The following NXPE2 variants were observed in gnomAD, a reference collection of about 807,000 sequenced individuals.
The protein encoded by NXPE2 is neurexophilin and PC-esterase domain family member 2, also known as NXPE family member 2.
NXPE2 carries 34 observed loss-of-function variants against 34.4 expected under a neutral mutation model. The ratio of observed to expected loss-of-function variants is 0.99; its 90% CI spans 0.75 to 1.31. The LOEUF is 1.31. NXPE2 is among the 40% of genes most tolerant of loss of function. NXPE2 has a pLI of 0.00. For synonymous variants in NXPE2, 235 were observed against 231.3 expected (o/e 1.02, Z -0.15); for missense variants, 649 against 672.5 (o/e 0.97, Z 0.39).
At chr11:114,776,237 A>G in the NXPE2 span, among the ~76,000 whole-genome samples, 1 of 152,170 alleles carries the variant, frequency 6.6e-6, no homozygotes, top group African/African-American at 2.4e-5. Flanking sequence ...GGCACAGGAG[A>G]GCCCACGAGG....
At chr11:114,610,385 G>A in the NXPE2 span, among the ~76,000 whole-genome samples, 2 of 151,664 alleles carry the variant, frequency 1.3e-5, no homozygotes, top group Admixed American at 6.6e-5. Context: ...ATATTGCCTC[G>A]TGGGTAACCA....
chr11:114,638,252 A>C, the NXPE2 span, among the ~76,000 whole-genome samples: 54 of 152,076 alleles, frequency 3.6e-4, no homozygotes, highest in African/African-American at 1.3e-3. Context: ...CCAGTTGATC[A>C]CATCAGCTCC....
At chr11:114,622,717 C>A in the NXPE2 span, among the ~76,000 whole-genome samples, 2 of 148,908 alleles carry the variant, frequency 1.3e-5, no homozygotes, top group Non-Finnish European at 3.0e-5. Flanking sequence ...GTGGATAATA[C>A]GTGTTCCCTC....
the NXPE2 span, among the ~76,000 whole-genome samples, chr11:114,626,737 T>A: frequency 1.3e-5 from 2 of 152,220 alleles, no homozygotes; most frequent in African/African-American, 4.8e-5. Context: ...TGGGAGGACA[T>A]TCAAACCAAA....
Position 114,698,171 on chromosome 11 carries a change from A to T in NXPE2, c.259A>T (p.Ile87Phe). 6.2e-7 allele frequency: 1 copy of T among 1,614,216 alleles called. No homozygotes were observed. Among genetic ancestry groups the T allele is most frequent in the Non-Finnish European group, 8.5e-7 (1 of 1,180,022 alleles). Reference sequence around the variant, plus strand: ...AGAGACTGAACTTAGAATAAAGGACATTATGGAGAAACTAGACCAGCAGAT... The same window carrying T: ...AGAGACTGAACTTAGAATAAAGGACTTTATGGAGAAACTAGACCAGCAGAT... ...PKETELRIKD[I>F]MEKLDQQIPP... Residue 87 changes from isoleucine (I) to phenylalanine (F), a missense_variant, in exon 3 of 6, where the codon ATT (isoleucine) becomes TTT (phenylalanine). Ile to Phe is a conservative substitution (Grantham distance 21). Transcript: ENST00000389586.
At chr11:114,624,769 G>C in the NXPE2 span, among the ~76,000 whole-genome samples, 1 of 151,858 alleles carries the variant, frequency 6.6e-6, no homozygotes, top group Non-Finnish European at 1.5e-5. Flanking sequence ...TGGATAGTAA[G>C]TATTGCCTCG....
chr11:114,658,496 G>C, the NXPE2 span, among the ~76,000 whole-genome samples: 2 of 152,102 alleles, frequency 1.3e-5, no homozygotes, highest in African/African-American at 4.8e-5. Flanking sequence ...ACTAATGCAG[G>C]CCTGGAGGGG....
At chr11:114,465,640 T>C in the NXPE2 span, among the ~76,000 whole-genome samples, 206 of 152,286 alleles carry the variant, frequency 1.4e-3, 2 homozygotes, top group African/African-American at 4.7e-3. Flanking sequence ...TTATTATCTT[T>C]ATCCTTTAAA....
At chr11:114,695,876 G>A (rs1951242652) in intron 2 of NXPE2, among the ~76,000 whole-genome samples, 1 of 98,150 alleles carries the variant, frequency 1.0e-5, no homozygotes, top group Admixed American at 1.1e-4. Flanking sequence ...CAATTAGCTG[G>A]GTGTGGTGGG....
the NXPE2 span, among the ~76,000 whole-genome samples, chr11:114,625,672 C>A: frequency 6.6e-6 from 1 of 152,152 alleles, no homozygotes; most frequent in Admixed American, 6.5e-5. Flanking sequence ...CAGGGAGGAG[C>A]CAAGATGGCC....
the NXPE2 span, chr11:114,530,983 T>C: frequency 3.6e-6 from 5 of 1,389,690 alleles, no homozygotes; most frequent in South Asian, 1.6e-5. Flanking sequence ...AGTTTGAATA[T>C]TTGTTTACAG....
At chr11:114,696,339 C>CAAAAAAAA (rs1565386517) in intron 2 of NXPE2, among the ~76,000 whole-genome samples, 2 of 129,350 alleles carry the variant, frequency 1.5e-5, no homozygotes, top group African/African-American at 5.8e-5. Context: ...ATCAAAAAAA[C>CAAAAAAAA]CAAAAAAAAA....
chr11:114,528,813 A>G, the NXPE2 span: 2 of 680,322 alleles, frequency 2.9e-6, no homozygotes, highest in Non-Finnish European at 5.4e-6. Context: ...CCTGCTATAG[A>G]TGTCTCTCCA....
the NXPE2 span, among the ~76,000 whole-genome samples, chr11:114,778,420 G>A: frequency 2.6e-5 from 4 of 152,194 alleles, no homozygotes; most frequent in African/African-American, 9.6e-5. Flanking sequence ...ATGATGTTAT[G>A]TCTTGTAAAA....
the NXPE2 span, among the ~76,000 whole-genome samples, chr11:114,646,402 G>A: frequency 1.3e-5 from 2 of 151,566 alleles, no homozygotes; most frequent in Admixed American, 1.3e-4. Flanking sequence ...TCCTTAGGTG[G>A]TATTTCAGTG....
the NXPE2 span, among the ~76,000 whole-genome samples, chr11:114,772,028 C>G: frequency 6.6e-6 from 1 of 152,210 alleles, no homozygotes; most frequent in Admixed American, 6.5e-5. Context: ...AGAAGACTGT[C>G]CTTTATCTTC....
the NXPE2 span, among the ~76,000 whole-genome samples, chr11:114,550,191 C>A: frequency 6.6e-6 from 1 of 152,206 alleles, no homozygotes; most frequent in East Asian, 1.9e-4. Context: ...TCCTAAATAT[C>A]TTCTGGGTCA....
intron 2 of NXPE2, among the ~76,000 whole-genome samples, chr11:114,686,668 T>G (rs1055623771): frequency 2.6e-5 from 4 of 152,176 alleles, no homozygotes; most frequent in African/African-American, 4.8e-5. Context: ...GGCAATTATA[T>G]TTTTAGTTAT....
At chr11:114,790,329 T>A in the NXPE2 span, among the ~76,000 whole-genome samples, 1 of 152,146 alleles carries the variant, frequency 6.6e-6, no homozygotes, top group Non-Finnish European at 1.5e-5. Context: ...CAGTTGTCCT[T>A]CTGTAAGAAG....
Sources: gnomAD v4.1 joint callset for allele counts (sites outside exome capture counted in the v4.1 genomes callset) on GRCh38, gnomAD v4.1.1 for gene constraint, MANE v1.5 for transcripts, NCBI Gene and HGNC (gene_info 2026-07-23, HGNC 2026-07-21) for gene names.